Variants in CSMD1 observed in about 807,000 individuals in gnomAD.
The protein encoded by CSMD1 is CUB and sushi domain-containing protein 1.
In CSMD1, 213 loss-of-function variants were observed where a neutral mutation model predicts 417.5. The observed-to-expected ratio is 0.51, with a 90% CI of 0.46 to 0.57. The LOEUF (loss-of-function observed/expected upper bound fraction) is 0.57, where lower values mean the gene tolerates loss of function less well. Among genes scored for constraint, CSMD1 ranks in the 20% least tolerant of loss-of-function variants. The probability of loss-of-function intolerance (pLI) is 0.00; values close to 1 mark genes in which losing one functional copy is unlikely to be tolerated. For synonymous variants in CSMD1, 2,862 were observed against 1,736.8 expected (o/e 1.65, Z -16.11); for missense variants, 6,923 against 4,529.7 (o/e 1.53, Z -15.17).
At chr8:4,161,158 G>C (rs921264156) in intron 3 of CSMD1, among the ~76,000 whole-genome samples, 2 of 150,836 alleles carry the variant, frequency 1.3e-5, no homozygotes, top group African/African-American at 2.4e-5. Flanking sequence ...CATGATAAAA[G>C]TTCAGAAGGA....
chr8:4,450,943 C>T (rs1354478684), intron 2 of CSMD1, among the ~76,000 whole-genome samples: 1 of 151,960 alleles, frequency 6.6e-6, no homozygotes, highest in Non-Finnish European at 1.5e-5. Context: ...TAAAAGAACC[C>T]ATACAACTAA....
At chr8:4,106,222 A>G (rs1240975442) in intron 3 of CSMD1, among the ~76,000 whole-genome samples, 2 of 152,236 alleles carry the variant, frequency 1.3e-5, no homozygotes, top group East Asian at 1.9e-4. Flanking sequence ...GCATTGGGTC[A>G]GGGAGTGATC....
chr8:3,596,669 G>C (rs531507602), intron 8 of CSMD1, among the ~76,000 whole-genome samples: 1 of 152,074 alleles, frequency 6.6e-6, no homozygotes, highest in South Asian at 2.1e-4. Context: ...CTGGTTGTTT[G>C]TAATTGACCA....
At chr8:3,320,355 G>T (rs1166369953) in intron 23 of CSMD1, among the ~76,000 whole-genome samples, 6 of 152,072 alleles carry the variant, frequency 3.9e-5, no homozygotes. Flanking sequence ...GCTGTGAAGG[G>T]CACTGCTTAT....
At chr8:3,632,551 G>C (rs1290784373) in intron 7 of CSMD1, among the ~76,000 whole-genome samples, 2 of 152,020 alleles carry the variant, frequency 1.3e-5, no homozygotes, top group Non-Finnish European at 2.9e-5. Flanking sequence ...TGGGATGTCT[G>C]GCTTCTTTTT....
At chr8:3,564,277 A>G (rs1221425546) in intron 10 of CSMD1, among the ~76,000 whole-genome samples, 1 of 151,478 alleles carries the variant, frequency 6.6e-6, no homozygotes, top group African/African-American at 2.5e-5. Flanking sequence ...TTTATTAAGA[A>G]AAAAAAGAAA....
chr8:4,352,752 TG>T (rs1563084294), intron 3 of CSMD1, among the ~76,000 whole-genome samples: 1 of 152,232 alleles, frequency 6.6e-6, no homozygotes. Flanking sequence ...AGTCATTTGA[TG>T]GAAACCATGG....
At chr8:4,668,677 C>G (rs1023652647) in intron 1 of CSMD1, among the ~76,000 whole-genome samples, 2 of 151,880 alleles carry the variant, frequency 1.3e-5, no homozygotes, top group Admixed American at 6.6e-5. Flanking sequence ...TTCTCGATTT[C>G]CTGACCTAGT....
intron 22 of CSMD1, among the ~76,000 whole-genome samples, chr8:3,347,328 A>G (rs968799606): frequency 2.9e-4 from 44 of 152,222 alleles, no homozygotes; most frequent in African/African-American, 9.2e-4. Flanking sequence ...GGTGAAAATT[A>G]TATCAGGACT....
At chr8:4,165,463 T>C (rs917334881) in intron 3 of CSMD1, among the ~76,000 whole-genome samples, 6 of 152,210 alleles carry the variant, frequency 3.9e-5, no homozygotes, top group Admixed American at 2.0e-4. Flanking sequence ...CTGAGTGCAA[T>C]GGCAGTCATT....
chr8:3,772,835 C>A (rs1287016822), intron 5 of CSMD1, among the ~76,000 whole-genome samples: 1 of 151,908 alleles, frequency 6.6e-6, no homozygotes, highest in South Asian at 2.1e-4. Context: ...TACAGCACCT[C>A]CCAACCCCCT....
intron 2 of CSMD1, among the ~76,000 whole-genome samples, chr8:4,599,044 C>T (rs572243601): frequency 3.9e-5 from 6 of 152,260 alleles, no homozygotes; most frequent in African/African-American, 1.4e-4. Context: ...TTACTTATTT[C>T]TAAAGAATCC....
At chr8:4,491,920 A>G (rs1170775039) in intron 2 of CSMD1, among the ~76,000 whole-genome samples, 3 of 152,194 alleles carry the variant, frequency 2.0e-5, no homozygotes, top group Non-Finnish European at 4.4e-5. Context: ...TCTTTACAAA[A>G]TATTTATAGC....
intron 3 of CSMD1, among the ~76,000 whole-genome samples, chr8:4,196,101 C>A (rs930091392): frequency 1.2e-4 from 19 of 152,040 alleles, no homozygotes; most frequent in Admixed American, 5.9e-4. Context: ...GTCCCAGCTG[C>A]TGGGGAGACT....
At chr8:4,289,701 C>T (rs1407148567) in intron 3 of CSMD1, among the ~76,000 whole-genome samples, 1 of 152,156 alleles carries the variant, frequency 6.6e-6, no homozygotes, top group Non-Finnish European at 1.5e-5. Context: ...TTCAGCTTTG[C>T]TTTCTTCAGC....
At chr8:4,339,871 A>C (rs554797737) in intron 3 of CSMD1, among the ~76,000 whole-genome samples, 1 of 152,178 alleles carries the variant, frequency 6.6e-6, no homozygotes, top group Admixed American at 6.6e-5. Flanking sequence ...AAAAACTTAA[A>C]AAAATTATTC....
intron 7 of CSMD1, among the ~76,000 whole-genome samples, chr8:3,646,061 A>T (rs1394920835): frequency 6.6e-6 from 1 of 151,528 alleles, no homozygotes; most frequent in Non-Finnish European, 1.5e-5. Context: ...AAAAAAAAAA[A>T]GATTAAGTGA....
At chr8:4,311,317 C>T (rs1305660837) in intron 3 of CSMD1, among the ~76,000 whole-genome samples, 3 of 152,146 alleles carry the variant, frequency 2.0e-5, no homozygotes, top group African/African-American at 7.2e-5. Context: ...TACTATGCAG[C>T]CATAAAAAGG....
chr8:3,722,589 C>T (rs940906900), intron 6 of CSMD1, among the ~76,000 whole-genome samples: 3 of 152,120 alleles, frequency 2.0e-5, no homozygotes, highest in South Asian at 2.1e-4. Flanking sequence ...TAATAACTCA[C>T]CTTAAAAGGA....
Sources: gnomAD v4.1 joint callset for allele counts (sites outside exome capture counted in the v4.1 genomes callset) on GRCh38, gnomAD v4.1.1 for gene constraint, MANE v1.5 for transcripts, NCBI Gene and HGNC (gene_info 2026-07-23, HGNC 2026-07-21) for gene names.